The following FOCAD variants were observed in gnomAD, a reference collection of about 807,000 sequenced individuals.
FOCAD encodes the protein focadhesin.
A neutral mutation model predicts 225.6 loss-of-function variants in FOCAD; 198 were observed. The ratio of observed to expected loss-of-function variants is 0.88; its 90% confidence interval spans 0.78 to 0.99. The LOEUF is 0.99. FOCAD is among the 50% of genes least tolerant of loss of function. The probability of loss-of-function intolerance (pLI) is 0.00; values close to 1 mark genes in which losing one functional copy is unlikely to be tolerated. For synonymous variants in FOCAD, 897 were observed against 755.0 expected (o/e 1.19, Z -3.08); for missense variants, 2,713 against 2,123.6 (o/e 1.28, Z -5.46).
chr9:20,892,288 A>T (rs1013760917), intron 21 of FOCAD, among the ~76,000 whole-genome samples: 1 of 152,176 alleles, frequency 6.6e-6, no homozygotes, highest in Admixed American at 6.6e-5. Context: ...TTCAAGTCTT[A>T]TTTGAGAAAT....
chr9:20,933,617 T>C (rs1271525901), intron 28 of FOCAD, among the ~76,000 whole-genome samples: 2 of 152,140 alleles, frequency 1.3e-5, no homozygotes, highest in African/African-American at 4.8e-5. Flanking sequence ...ACTCATTGAT[T>C]GATGGGTATT....
chr9:20,820,474 T>C (rs1824202194), intron 13 of FOCAD, 49 bp downstream of exon 13: 3 of 1,455,172 alleles, frequency 2.1e-6, no homozygotes, highest in Non-Finnish European at 2.9e-6. Flanking sequence ...TTCCTTTCAC[T>C]GAAGGAAAAT....
intron 11 of FOCAD, among the ~76,000 whole-genome samples, chr9:20,794,360 GAGATT>G (rs991613400): frequency 2.6e-5 from 4 of 152,156 alleles, no homozygotes; most frequent in African/African-American, 9.7e-5. Context: ...TGTATATATG[GAGATT>G]AGATTAGTGA....
chr9:20,977,834 T>C (rs1840351056), intron 36 of FOCAD, among the ~76,000 whole-genome samples: 1 of 152,198 alleles, frequency 6.6e-6, no homozygotes, highest in African/African-American at 2.4e-5. Flanking sequence ...CCTTGTTTGG[T>C]GTGCTATATT....
At chr9:20,850,917 C>G (rs757238145) in intron 15 of FOCAD, among the ~76,000 whole-genome samples, 14 of 150,072 alleles carry the variant, frequency 9.3e-5, no homozygotes, top group African/African-American at 1.2e-4. Context: ...TCTCTACTAC[C>G]TGATGCTAAG....
intron 15 of FOCAD, among the ~76,000 whole-genome samples, chr9:20,854,959 C>G (rs903811043): frequency 6.6e-6 from 1 of 151,722 alleles, no homozygotes; most frequent in South Asian, 2.1e-4. Context: ...AATAATTCAA[C>G]TAATTTTCAC....
At chr9:20,767,662 T>G (rs1210773512) in intron 7 of FOCAD, among the ~76,000 whole-genome samples, 1 of 143,334 alleles carries the variant, frequency 7.0e-6, no homozygotes, top group Non-Finnish European at 1.6e-5. Flanking sequence ...GCCCACTTTT[T>G]GATGGGGTTG....
At chr9:20,818,039 G>C (rs966367658) in intron 11 of FOCAD, among the ~76,000 whole-genome samples, 3 of 152,036 alleles carry the variant, frequency 2.0e-5, no homozygotes, top group Non-Finnish European at 4.4e-5. Context: ...CACATATTCG[G>C]CAACACTTGT....
intron 28 of FOCAD, among the ~76,000 whole-genome samples, chr9:20,938,152 C>T (rs1402481761): frequency 2.0e-5 from 3 of 152,178 alleles, no homozygotes; most frequent in Admixed American, 6.5e-5. Context: ...CTAGTTCAAC[C>T]GTTGTGGAAG....
At chr9:20,722,070 C>T (rs1825832059) in intron 4 of FOCAD, among the ~76,000 whole-genome samples, 1 of 140,650 alleles carries the variant, frequency 7.1e-6, no homozygotes, top group Non-Finnish European at 1.5e-5. Flanking sequence ...TTCTCTGTTT[C>T]CTTTCTGACT....
intron 2 of FOCAD, among the ~76,000 whole-genome samples, chr9:20,674,195 A>C (rs1822159808): frequency 6.6e-6 from 1 of 152,178 alleles, no homozygotes; most frequent in African/African-American, 2.4e-5. Flanking sequence ...ATTAGAAATA[A>C]ATATATTAGA....
intron 7 of FOCAD, among the ~76,000 whole-genome samples, chr9:20,767,914 G>C (rs1186789616): frequency 2.0e-5 from 3 of 152,140 alleles, no homozygotes; most frequent in Non-Finnish European, 4.4e-5. Flanking sequence ...CCTATGTCCT[G>C]AATGGTGATG....
intron 1 of FOCAD, among the ~76,000 whole-genome samples, chr9:20,694,874 G>A (rs1041745643): frequency 1.3e-5 from 2 of 152,098 alleles, no homozygotes; most frequent in Non-Finnish European, 2.9e-5. Flanking sequence ...CCATATTTCA[G>A]AATTTCTCAG....
intron 28 of FOCAD, among the ~76,000 whole-genome samples, chr9:20,936,690 C>A (rs1836005541): frequency 6.6e-6 from 1 of 152,002 alleles, no homozygotes; most frequent in African/African-American, 2.4e-5. Context: ...ACAGGGATGC[C>A]CTCTCTCACC....
At chr9:20,742,234 A>G (rs921067529) in intron 5 of FOCAD, among the ~76,000 whole-genome samples, 1 of 152,218 alleles carries the variant, frequency 6.6e-6, no homozygotes, top group African/African-American at 2.4e-5. Flanking sequence ...AATACCCTAG[A>G]TAAAATGAAT....
At chr9:20,724,676 G>A (rs1475831693) in intron 4 of FOCAD, among the ~76,000 whole-genome samples, 4 of 151,922 alleles carry the variant, frequency 2.6e-5, no homozygotes, top group Admixed American at 1.3e-4. Flanking sequence ...ATTTCAAGTA[G>A]CAGAACTTTG....
chr9:20,822,978 A>G lies in FOCAD; in HGVS notation c.1794-11A>G. 1 of 1,564,426 alleles carries G rather than the reference A, an allele frequency of 6.4e-7. No homozygotes were observed. The highest frequency in any genetic ancestry group is 8.6e-7 in the Non-Finnish European group (1 of 1,161,456). On this transcript the variant is annotated splice_polypyrimidine_tract_variant and intron_variant, in intron 14 of 43. Transcript: ENST00000338382. ...GCATTAATTTTGCTTTTAAACTTTC[A>G]TTTCTTGTAGGCCATATCAACATGG...
chr9:20,783,776 G>C (rs372161927), intron 10 of FOCAD, among the ~76,000 whole-genome samples: 8 of 152,174 alleles, frequency 5.3e-5, no homozygotes, highest in African/African-American at 1.9e-4. Context: ...GAAACATTCT[G>C]CTTCCTCCTT....
At chr9:20,740,827 G>A (rs1189722578) in intron 5 of FOCAD, among the ~76,000 whole-genome samples, 1 of 152,070 alleles carries the variant, frequency 6.6e-6, no homozygotes, top group Non-Finnish European at 1.5e-5. Context: ...TAATAAGGTA[G>A]AATTGTTTTA....
Sources: gnomAD v4.1 joint callset for allele counts (sites outside exome capture counted in the v4.1 genomes callset) on GRCh38, gnomAD v4.1.1 for gene constraint, MANE v1.5 for transcripts, NCBI Gene and HGNC (gene_info 2026-07-23, HGNC 2026-07-21) for gene names.